Variants in ACOX3 observed in about 807,000 individuals in gnomAD.
ACOX3 encodes peroxisomal acyl-coenzyme A oxidase 3.
In ACOX3, 73 loss-of-function variants were observed where a neutral mutation model predicts 81.5. The ratio of observed to expected loss-of-function variants is 0.90; its 90% CI spans 0.74 to 1.09. The LOEUF is 1.09. Ranked by LOEUF, ACOX3 falls within the 50% of genes least tolerant of loss-of-function variation. The probability of loss-of-function intolerance (pLI) is 0.00; values close to 1 mark genes in which losing one functional copy is unlikely to be tolerated. For synonymous variants in ACOX3, 387 were observed against 375.1 expected (o/e 1.03, Z -0.37); for missense variants, 947 against 928.0 (o/e 1.02, Z -0.27).
chr4:8,377,151 C>T (rs1227945140), intron 14 of ACOX3, among the ~76,000 whole-genome samples: 6 of 152,332 alleles, frequency 3.9e-5, no homozygotes, highest in South Asian at 4.1e-4. Flanking sequence ...AGGGCCTCTC[C>T]TCTCGCCATG....
chr4:8,373,035 T>C (rs1427672439), intron 16 of ACOX3, among the ~76,000 whole-genome samples: 3 of 152,104 alleles, frequency 2.0e-5, no homozygotes, highest in African/African-American at 7.2e-5. Flanking sequence ...GATCAGAATG[T>C]GGGGTTGGGG....
intron 16 of ACOX3, among the ~76,000 whole-genome samples, chr4:8,371,244 G>GAA (rs1243766022): frequency 6.6e-6 from 1 of 152,204 alleles, no homozygotes; most frequent in Non-Finnish European, 1.5e-5. Flanking sequence ...CAACAAGGTA[G>GAA]AAAAGGCCCT....
downstream of ACOX3, among the ~76,000 whole-genome samples, chr4:8,363,805 C>T (rs758735218): frequency 8.5e-5 from 13 of 152,108 alleles, no homozygotes; most frequent in South Asian, 4.2e-4. Flanking sequence ...AGTAACCTCT[C>T]GTTGTCCTCA....
At chr4:8,375,180 C>CCGTGAGGGT in intron 14 of ACOX3, 28 bp from the exon 15 acceptor site, 1 of 1,508,052 alleles carries the variant, frequency 6.6e-7, no homozygotes, top group Non-Finnish European at 8.9e-7. Flanking sequence ...ACCGTGAGGA[C>CCGTGAGGGT]CGTGAGGGTC....
At chr4:8,377,922 C>T (rs779417725) in intron 14 of ACOX3, among the ~76,000 whole-genome samples, 18 of 152,156 alleles carry the variant, frequency 1.2e-4, no homozygotes, top group Admixed American at 1.0e-3. Flanking sequence ...CAGACACATC[C>T]GGGAGCCCCA....
intron 6 of ACOX3, among the ~76,000 whole-genome samples, chr4:8,408,536 T>A (rs889349081): frequency 6.6e-6 from 1 of 151,944 alleles, no homozygotes; most frequent in Admixed American, 6.6e-5. Context: ...GTCCCCAAAA[T>A]CAGACACGCC....
chr4:8,358,974 G>A, the ACOX3 span, among the ~76,000 whole-genome samples: 13 of 152,078 alleles, frequency 8.5e-5, no homozygotes, highest in African/African-American at 2.2e-4. Context: ...ACCCTCTCTC[G>A]GGGTCTGGAT....
At chr4:8,425,264 C>T (rs1270021613) in intron 1 of ACOX3, among the ~76,000 whole-genome samples, 1 of 151,998 alleles carries the variant, frequency 6.6e-6, no homozygotes. Flanking sequence ...TGGGACCCTC[C>T]ATTAGAAATG....
At chr4:8,396,017 C>A (rs1484987315) in intron 9 of ACOX3, among the ~76,000 whole-genome samples, 2 of 152,236 alleles carry the variant, frequency 1.3e-5, no homozygotes, top group African/African-American at 2.4e-5. Context: ...GCTGTGAAGA[C>A]CAAACCCAGA....
In ACOX3 at chr4:8,414,321, T is replaced by C; in HGVS notation, c.514A>G (p.Thr172Ala). 6.2e-7 allele frequency: 1 copy of C among 1,614,142 alleles called. No individual in the cohort carries two copies. Residue 172 changes from threonine to alanine, a missense_variant, in exon 5 of 18, where the codon ACA becomes GCA. By Grantham distance (58) the Thr-to-Ala change is moderately conservative. Transcript: ENST00000356406. This position sits in a 1 kb window ranked among gnomAD's most constrained non-coding sequence, Gnocchi z 6.1. ...SHGSNTKAIR[T>A]TAHYDPATEE... ...GTGGCAGGATCGTAGTGGGCAGTTG[T>C]GCGAATGGCCTTGGTATTACTGCCG...
chr4:8,374,121 C>T (rs1009752837), intron 15 of ACOX3: 6 of 182,860 alleles, frequency 3.3e-5, no homozygotes, highest in South Asian at 1.2e-4. Context: ...CACCTCCAGC[C>T]GCTGTGGTTT....
At position 8,419,816 on chromosome 4, in the gene ACOX3, C is replaced by T. The variant is rs1460499051; in HGVS notation, c.-14-3281G>A. Among the ~76,000 whole-genome samples the T allele has an allele frequency of 6.6e-6, 1 of 152,142 alleles. No individual in the cohort carries two copies. Among genetic ancestry groups the T allele is most frequent in the Non-Finnish European group, 1.5e-5 (1 of 68,038 alleles). ...CCCTGACCCAGCTTCGCCTCCTGCA[C>T]CCCAGTTCCACACTGCCAGTCACCC... On this transcript the variant is annotated intron_variant, in intron 1 of 17. Transcript: ENST00000356406. This position sits in a 1 kb window ranked among gnomAD's most constrained non-coding sequence, Gnocchi z 4.2.
At position 8,425,392 on chromosome 4, in the gene ACOX3, G is replaced by C. The variant is rs558169056; in HGVS notation, c.-14-8857C>G. ...TAGTTTCTTCCCCTCAGGATGGCTAGCCACCGAAGAAGGAAAAATACTTTT... is the reference window on the plus strand; with the variant it reads ...TAGTTTCTTCCCCTCAGGATGGCTACCCACCGAAGAAGGAAAAATACTTTT... On this transcript the variant is annotated intron_variant, in intron 1 of 17. Transcript: ENST00000356406. Among the ~76,000 whole-genome samples, 5 of 151,976 alleles carry C rather than the reference G, an allele frequency of 3.3e-5. No homozygotes were observed. In the South Asian group the frequency reaches 1.0e-3, roughly 32 times the overall value.
intron 10 of ACOX3, chr4:8,393,229 T>C (rs1297625926): frequency 6.6e-6 from 1 of 151,782 alleles, no homozygotes; most frequent in Admixed American, 6.6e-5. Context: ...CTCACGCCTA[T>C]AATGCCAGCA....
In ACOX3 at chr4:8,416,133, G is replaced by T; in HGVS notation, c.145-134C>A. The T allele has an allele frequency of 9.8e-7, 1 of 1,021,532 alleles. No individual in the cohort carries two copies. Among genetic ancestry groups the T allele is most frequent in the Non-Finnish European group, 1.4e-6 (1 of 689,920 alleles). The allele number at this position is 1,021,532 out of a possible 1,614,324, so 63.3% of individuals were successfully genotyped here. On this transcript the variant is annotated intron_variant, in intron 2 of 17. Transcript: ENST00000356406. The surrounding 1 kb of genome is among the most constrained non-coding windows in gnomAD (Gnocchi z 4.2). ...CCCGGAGACACCCAGACAGAGATAT[G>T]ACTATCATTCCCAATGGACTAGAGG... is the stretch of plus-strand genomic sequence containing the variant.
At chr4:8,393,548 G>T (rs1004899081) in intron 10 of ACOX3, among the ~76,000 whole-genome samples, 3 of 148,472 alleles carry the variant, frequency 2.0e-5, no homozygotes, top group Non-Finnish European at 4.4e-5. Context: ...AGTAAAAGAA[G>T]AATTTTTAAT....
intron 13 of ACOX3, among the ~76,000 whole-genome samples, chr4:8,388,373 C>A (rs554119064): frequency 1.3e-5 from 2 of 152,398 alleles, no homozygotes; most frequent in East Asian, 3.9e-4. Flanking sequence ...AGCCCCAGAA[C>A]TGCAGAGTGA....
At chr4:8,378,066 C>G (rs1024148204) in intron 14 of ACOX3, among the ~76,000 whole-genome samples, 1 of 152,200 alleles carries the variant, frequency 6.6e-6, no homozygotes, top group Non-Finnish European at 1.5e-5. Flanking sequence ...ACTTCTCAGG[C>G]TCGATGCAGC....
chr4:8,373,068 T>C (rs79497173), intron 16 of ACOX3, among the ~76,000 whole-genome samples: 1,672 of 152,048 alleles, frequency 0.011, 34 homozygotes, highest in African/African-American at 0.038. Flanking sequence ...CTGGGTGACA[T>C]AGGTAAAAGA....
Sources: allele counts gnomAD v4.1 joint callset (sites outside exome capture counted in the v4.1 genomes callset), GRCh38; gene constraint gnomAD v4.1.1; non-coding constraint Gnocchi (gnomAD v3.1); transcripts MANE v1.5; gene names NCBI Gene and HGNC (gene_info 2026-07-23, HGNC 2026-07-21).